Variants in UNC13C observed in about 807,000 individuals in gnomAD.
The protein encoded by UNC13C is protein unc-13 homolog C.
Under a neutral mutation model 245.4 loss-of-function variants are expected in UNC13C, and 174 were observed. The ratio of observed to expected loss-of-function variants is 0.71; its 90% CI spans 0.63 to 0.80. The LOEUF is 0.80. Ranked by LOEUF, UNC13C falls within the 30% of genes least tolerant of loss-of-function variation. The probability of loss-of-function intolerance (pLI) is 0.00; values close to 1 mark genes in which losing one functional copy is unlikely to be tolerated. For synonymous variants in UNC13C, 992 were observed against 895.1 expected, an observed-to-expected ratio of 1.11 and a Z score of -1.93; for missense variants, 2,829 against 2,602.9, an observed-to-expected ratio of 1.09 and a Z score of -1.89.
At chr15:54,326,801 G>A (rs1184479557) in intron 14 of UNC13C, among the ~76,000 whole-genome samples, 2 of 152,024 alleles carry the variant, frequency 1.3e-5, no homozygotes, top group African/African-American at 4.8e-5. Flanking sequence ...AAAATTGATT[G>A]TAGAACAGTG....
rs978954104 is a variant in UNC13C at position 54,190,245 on chromosome 15, A to G, written c.3072-44785A>G. On this transcript the variant is annotated intron_variant, in intron 4 of 32. Coordinates refer to ENST00000260323, the MANE Select transcript of UNC13C (RefSeq NM_001080534.3). ...AGCCAAGACTAAAAAACTCAGACAT[A>G]CAAGCTTTTCTTTTTCTTTTTTTAT... 4.6e-5 allele frequency among the ~76,000 whole-genome samples: 7 copies of G among 152,320 alleles called. No individual in the cohort carries two copies. In the East Asian group the frequency reaches 1.3e-3, roughly 29 times the overall value.
intron 8 of UNC13C, among the ~76,000 whole-genome samples, chr15:54,255,376 C>T (rs532136261): frequency 1.8e-4 from 27 of 152,078 alleles, no homozygotes; most frequent in African/African-American, 6.0e-4. Context: ...GGAGTCAGGC[C>T]GCTTGGAGGC....
At chr15:53,950,031 A>C in the UNC13C span, among the ~76,000 whole-genome samples, 1 of 152,324 alleles carries the variant, frequency 6.6e-6, no homozygotes, top group Non-Finnish European at 1.5e-5. Flanking sequence ...ACAGAAATAT[A>C]TCTAGACAAA....
At chr15:54,039,592 CTT>C (rs1173296028) in intron 2 of UNC13C, among the ~76,000 whole-genome samples, 4 of 151,692 alleles carry the variant, frequency 2.6e-5, no homozygotes, top group African/African-American at 7.3e-5. Context: ...TTCTTGGACT[CTT>C]TTTTTTCCTA....
chr15:54,489,398 T>G (rs1168161132), intron 19 of UNC13C, among the ~76,000 whole-genome samples: 1 of 152,194 alleles, frequency 6.6e-6, no homozygotes, highest in Non-Finnish European at 1.5e-5. Flanking sequence ...ACTGGTTTTC[T>G]GTGCAGTGGT....
chr15:54,072,553 T>A (rs1053622677), intron 2 of UNC13C, among the ~76,000 whole-genome samples: 3 of 152,224 alleles, frequency 2.0e-5, no homozygotes, highest in African/African-American at 7.2e-5. Context: ...TTGACTTGCG[T>A]AGATAACACA....
intron 2 of UNC13C, among the ~76,000 whole-genome samples, chr15:54,069,877 T>C (rs11631582): frequency 0.15 from 23,047 of 152,244 alleles, 1,849 homozygotes; most frequent in South Asian, 0.21. Flanking sequence ...CCTTTCTCTT[T>C]CCTTGGCCAC....
intron 30 of UNC13C, among the ~76,000 whole-genome samples, chr15:54,604,696 T>C (rs2141278200): frequency 6.6e-6 from 1 of 152,288 alleles, no homozygotes; most frequent in African/African-American, 2.4e-5. Flanking sequence ...TATTTCCACT[T>C]GAACACCTCT....
At chr15:54,576,974 T>A (rs1017672737) in intron 30 of UNC13C, among the ~76,000 whole-genome samples, 13 of 152,194 alleles carry the variant, frequency 8.5e-5, no homozygotes, top group Non-Finnish European at 1.3e-4. Context: ...TATAACATAG[T>A]TCTCATATTT....
chr15:54,426,503 A>T (rs2040762675), intron 19 of UNC13C, among the ~76,000 whole-genome samples: 1 of 151,490 alleles, frequency 6.6e-6, no homozygotes, highest in Non-Finnish European at 1.5e-5. Context: ...AACAAAAAAA[A>T]ATAAAAGTTG....
At chr15:54,172,368 C>T (rs1476346241) in intron 4 of UNC13C, among the ~76,000 whole-genome samples, 2 of 151,814 alleles carry the variant, frequency 1.3e-5, no homozygotes, top group Non-Finnish European at 2.9e-5. Flanking sequence ...CCATGTACCC[C>T]ATAAATATAC....
rs1567079825 is a variant in UNC13C, at chr15:54,186,836, A to ATATATATATATATATATATATAT, written c.3071+43152_3071+43153insTATATATATATATATATATATAT. ...GTCCACTGACACATACAAAGAACAT[A>ATATATATATATATATATATATAT]ATATATATGTATATATATATTTTGT... On this transcript the variant is annotated intron_variant, in intron 4 of 32. Coordinates refer to ENST00000260323, the MANE Select transcript of UNC13C (RefSeq NM_001080534.3). Among the ~76,000 whole-genome samples, 25 of 126,168 alleles carry ATATATATATATATATATATATAT rather than the reference A, an allele frequency of 2.0e-4. 1 individual carries two copies. The highest frequency in any genetic ancestry group is 2.9e-4 in the Non-Finnish European group (17 of 59,606). 82.8% of individuals were successfully genotyped at this position (126,168 alleles called of 152,430 possible).
At chr15:54,461,433 C>T (rs1398999481) in intron 19 of UNC13C, among the ~76,000 whole-genome samples, 1 of 152,062 alleles carries the variant, frequency 6.6e-6, no homozygotes, top group Non-Finnish European at 1.5e-5. Flanking sequence ...TATAATCTAT[C>T]TTTGTATTTA....
chr15:54,559,331 G>T (rs551681671), intron 29 of UNC13C, among the ~76,000 whole-genome samples: 1 of 151,930 alleles, frequency 6.6e-6, no homozygotes, highest in Non-Finnish European at 1.5e-5. Context: ...TCTTACCCTC[G>T]CAGAGGTTCT....
At chr15:54,509,387 A>G (rs1008956035) in intron 23 of UNC13C, among the ~76,000 whole-genome samples, 1 of 152,234 alleles carries the variant, frequency 6.6e-6, no homozygotes, top group African/African-American at 2.4e-5. Context: ...GCAAGACATC[A>G]CAATCTAAAT....
At chr15:54,512,632 C>T (rs1894802667) in intron 24 of UNC13C, among the ~76,000 whole-genome samples, 1 of 152,112 alleles carries the variant, frequency 6.6e-6, no homozygotes, top group African/African-American at 2.4e-5. Flanking sequence ...TCTCCCCATG[C>T]CCTTATTCCG....
intron 4 of UNC13C, among the ~76,000 whole-genome samples, chr15:54,167,992 C>G (rs1595937824): frequency 6.6e-6 from 1 of 152,066 alleles, no homozygotes; most frequent in South Asian, 2.1e-4. Flanking sequence ...TGTGGAACAA[C>G]CAAAACTCTC....
intron 7 of UNC13C, among the ~76,000 whole-genome samples, chr15:54,247,466 G>A (rs1209874243): frequency 6.6e-6 from 1 of 152,026 alleles, no homozygotes; most frequent in Non-Finnish European, 1.5e-5. Context: ...TTAATTTCAT[G>A]TTCCTAAACT....
rs147411712 is a variant in UNC13C, at chr15:54,357,804, T to G, written c.4713+19315T>G. On this transcript the variant is annotated intron_variant, in intron 17 of 32. Coordinates refer to ENST00000260323, the MANE Select transcript of UNC13C (RefSeq NM_001080534.3). ...ATTTCCCTTGCTCTTGGAGTAGGAC[T>G]TACAAAACACATTTTTCACATATAT... Among the ~76,000 whole-genome samples the G allele has an allele frequency of 7.9e-5, 12 of 152,168 alleles. No individual in the cohort carries two copies. In the East Asian group the frequency reaches 1.5e-3, roughly 20 times the overall value.
Sources: allele counts gnomAD v4.1 joint callset (sites outside exome capture counted in the v4.1 genomes callset), GRCh38; gene constraint gnomAD v4.1.1; transcripts MANE v1.5; gene names NCBI Gene and HGNC (gene_info 2026-07-23, HGNC 2026-07-21).